Variants in CTNNA2 observed in about 807,000 individuals in gnomAD.
CTNNA2 encodes the protein catenin alpha 2.
In CTNNA2, 42 loss-of-function variants were observed where a neutral mutation model predicts 101.0. The ratio of observed to expected loss-of-function variants is 0.42; its 90% CI spans 0.32 to 0.54. CTNNA2 has a LOEUF of 0.54. Among genes scored for constraint, CTNNA2 ranks in the 20% least tolerant of loss-of-function variants. The pLI, the probability that CTNNA2 is intolerant of heterozygous loss-of-function variation, is 0.14. For missense variants in CTNNA2, 871 were observed against 1,223.1 expected, an observed-to-expected ratio of 0.71 and a Z score of 4.29; for synonymous variants, 450 against 456.4, an observed-to-expected ratio of 0.99 and a Z score of 0.18.
At chr2:80,304,171 A>G (rs1676670005) in intron 7 of CTNNA2, 1 of 196,108 alleles carries the variant, frequency 5.1e-6, no homozygotes, top group Non-Finnish European at 1.0e-5. Flanking sequence ...GAGAGTGACA[A>G]CCTCCATTCA....
intron 2 of CTNNA2, among the ~76,000 whole-genome samples, chr2:79,201,154 C>T (rs1433955863): frequency 6.6e-6 from 1 of 151,768 alleles, no homozygotes; most frequent in Non-Finnish European, 1.5e-5. Context: ...TTGGAACTTT[C>T]CTTCAGATTT....
chr2:79,668,156 C>T (rs533952493), intron 2 of CTNNA2, among the ~76,000 whole-genome samples: 1 of 142,822 alleles, frequency 7.0e-6, no homozygotes, highest in African/African-American at 2.6e-5. Context: ...AGGAGAATGG[C>T]GTGAACCCAG....
At chr2:80,131,805 G>T (rs897969468) in intron 7 of CTNNA2, among the ~76,000 whole-genome samples, 1 of 152,188 alleles carries the variant, frequency 6.6e-6, no homozygotes, top group Admixed American at 6.5e-5. Flanking sequence ...TATCAGCCGG[G>T]CACGGTGGCT....
chr2:79,828,448 C>T (rs1678613144), intron 3 of CTNNA2, among the ~76,000 whole-genome samples: 1 of 152,184 alleles, frequency 6.6e-6, no homozygotes, highest in Non-Finnish European at 1.5e-5. Flanking sequence ...ATTACCTTCA[C>T]TGTAAAATGA....
intron 1 of CTNNA2, among the ~76,000 whole-genome samples, chr2:79,190,447 C>A (rs549468026): frequency 2.0e-5 from 3 of 152,154 alleles, no homozygotes; most frequent in African/African-American, 7.2e-5. Flanking sequence ...ACTTGGATTT[C>A]ATTCCTCTCT....
At chr2:80,355,759 C>CT (rs958323867) in intron 7 of CTNNA2, among the ~76,000 whole-genome samples, 9 of 151,976 alleles carry the variant, frequency 5.9e-5, no homozygotes, top group African/African-American at 7.2e-5. Context: ...TTCTTTCTTT[C>CT]TTTTTTGAAC....
intron 7 of CTNNA2, among the ~76,000 whole-genome samples, chr2:79,990,484 G>A (rs1692093789): frequency 6.6e-6 from 1 of 152,130 alleles, no homozygotes; most frequent in Non-Finnish European, 1.5e-5. Context: ...TCAGACAATA[G>A]ATGCTCAAAA....
At chr2:80,369,072 T>G (rs896571577) in intron 7 of CTNNA2, among the ~76,000 whole-genome samples, 1 of 151,990 alleles carries the variant, frequency 6.6e-6, no homozygotes, top group African/African-American at 2.4e-5. Context: ...TCATAAAGTT[T>G]ATTTTCACTA....
chr2:79,206,747 G>A (rs1207623286), intron 2 of CTNNA2, among the ~76,000 whole-genome samples: 1 of 152,134 alleles, frequency 6.6e-6, no homozygotes, highest in Admixed American at 6.5e-5. Flanking sequence ...TGTGAGTGAG[G>A]AAGATATGGT....
chr2:79,220,315 G>A (rs1674326143), intron 2 of CTNNA2, among the ~76,000 whole-genome samples: 1 of 152,112 alleles, frequency 6.6e-6, no homozygotes, highest in Admixed American at 6.5e-5. Flanking sequence ...TGCTAATGGT[G>A]GAAGGCAGAT....
At chr2:80,168,681 T>C (rs977463680) in intron 7 of CTNNA2, among the ~76,000 whole-genome samples, 6 of 152,164 alleles carry the variant, frequency 3.9e-5, no homozygotes, top group African/African-American at 1.2e-4. Flanking sequence ...TTACATCCCA[T>C]TGGGCAGCTT....
intron 4 of CTNNA2, among the ~76,000 whole-genome samples, chr2:79,382,815 T>A (rs534458263): frequency 6.6e-6 from 1 of 152,076 alleles, no homozygotes; most frequent in Non-Finnish European, 1.5e-5. Context: ...GGGGTTTCAC[T>A]GTGTTAGCCA....
intron 7 of CTNNA2, among the ~76,000 whole-genome samples, chr2:80,363,337 CA>C (rs1177724444): frequency 1.3e-5 from 2 of 151,852 alleles, no homozygotes; most frequent in Non-Finnish European, 2.9e-5. Flanking sequence ...ACAAGCAAAG[CA>C]AAAATAACTA....
At chr2:79,469,400 C>G (rs921905134) in intron 4 of CTNNA2, among the ~76,000 whole-genome samples, 1 of 151,998 alleles carries the variant, frequency 6.6e-6, no homozygotes, top group African/African-American at 2.4e-5. Context: ...GCCTACCAAC[C>G]AAAAAAGGTC....
chr2:79,528,748 G>T (rs1048877265), intron 1 of CTNNA2, among the ~76,000 whole-genome samples: 2 of 152,066 alleles, frequency 1.3e-5, no homozygotes, highest in African/African-American at 2.4e-5. Flanking sequence ...ATCACAAAAT[G>T]AATATTTCTT....
intron 7 of CTNNA2, among the ~76,000 whole-genome samples, chr2:80,372,682 C>CTT (rs57178483): frequency 0.036 from 5,158 of 142,362 alleles, 126 homozygotes; most frequent in African/African-American, 0.068. Context: ...GGGAAAACAG[C>CTT]TTTTTTTTTT....
In CTNNA2 at chr2:80,093,387, G is replaced by C. The variant is rs547154164; in HGVS notation, c.1056+183590G>C. 3.7e-3 allele frequency among the ~76,000 whole-genome samples: 563 copies of C among 152,142 alleles called. 4 individuals carry two copies. The highest frequency in any genetic ancestry group is 0.013 in the African/African-American group (533 of 41,532). On this transcript the variant is annotated intron_variant, in intron 7 of 18. Transcript: ENST00000402739. ...CCATGGTGTACATGTGCCACATTTT[G>C]TTAATCCAGTCTATCATTGTTGGAC...
intron 9 of CTNNA2, among the ~76,000 whole-genome samples, chr2:80,471,102 T>C (rs1337109994): frequency 1.3e-5 from 2 of 152,170 alleles, no homozygotes; most frequent in Non-Finnish European, 2.9e-5. Flanking sequence ...ATTATCCTAA[T>C]TGCAGTGGGA....
chr2:80,339,094 T>C (rs1232914107), intron 7 of CTNNA2, among the ~76,000 whole-genome samples: 3 of 152,192 alleles, frequency 2.0e-5, no homozygotes, highest in Admixed American at 6.5e-5. Context: ...GAAGTGTGTA[T>C]ATAGGGAGTG....
Sources: allele counts gnomAD v4.1 joint callset (sites outside exome capture counted in the v4.1 genomes callset), GRCh38; gene constraint gnomAD v4.1.1; transcripts MANE v1.5; gene names NCBI Gene and HGNC (gene_info 2026-07-23, HGNC 2026-07-21).